Variants in MYT1L observed in about 807,000 individuals in gnomAD.
MYT1L encodes myelin transcription factor 1 like.
A neutral mutation model predicts 126.7 loss-of-function variants in MYT1L; 12 were observed. The ratio of observed to expected loss-of-function variants is 0.09; its 90% CI spans 0.06 to 0.15. The LOEUF (loss-of-function observed/expected upper bound fraction) is 0.15. Ranked by LOEUF, MYT1L falls within the 10% of genes least tolerant of loss-of-function variation. MYT1L has a pLI of 1.00. For synonymous variants in MYT1L, 541 were observed against 604.2 expected (o/e 0.90, Z 1.53); for missense variants, 979 against 1,585.2 (o/e 0.62, Z 6.49).
At chr2:2,267,262 GC>G (rs60978565) in intron 2 of MYT1L, among the ~76,000 whole-genome samples, 2,034 of 152,306 alleles carry the variant, frequency 0.013, 31 homozygotes, top group African/African-American at 0.046. Context: ...GCAGACTTTG[GC>G]CTCGCAGTCT....
intron 2 of MYT1L, among the ~76,000 whole-genome samples, chr2:2,274,764 T>C (rs2095325708): frequency 6.6e-6 from 1 of 152,190 alleles, no homozygotes; most frequent in African/African-American, 2.4e-5. Context: ...CTTATGCTCA[T>C]AGTCTCAGAA....
In MYT1L at chr2:2,093,184, A is replaced by C. The variant is rs1056069795; in HGVS notation, c.-303-39061T>G. ...ATGTATCATCCCAAATCTTTTTAAAAAAGATTATGCCACTGAAGATTTCTT... is the reference window on the plus strand; with the variant it reads ...ATGTATCATCCCAAATCTTTTTAAACAAGATTATGCCACTGAAGATTTCTT... On this transcript the variant is annotated intron_variant, in intron 3 of 24. Coordinates refer to ENST00000647738, the MANE Select transcript of MYT1L (RefSeq NM_001303052.2). 1.5e-4 allele frequency among the ~76,000 whole-genome samples: 23 copies of C among 152,142 alleles called. 1 individual carries two copies. Among genetic ancestry groups the C allele is most frequent in the African/African-American group, 5.1e-4 (21 of 41,432 alleles).
intron 3 of MYT1L, among the ~76,000 whole-genome samples, chr2:2,159,183 C>T (rs535801788): frequency 2.8e-4 from 43 of 152,150 alleles, no homozygotes; most frequent in African/African-American, 9.6e-4. Context: ...GTCGGGGTGA[C>T]GGTGACAGAC....
intron 3 of MYT1L, among the ~76,000 whole-genome samples, chr2:2,117,370 C>T (rs1289628786): frequency 5.9e-5 from 9 of 152,166 alleles, no homozygotes; most frequent in Non-Finnish European, 1.3e-4. Flanking sequence ...ACTCCGTCTG[C>T]ATGTTGTCCT....
chr2:2,313,591 C>A (rs1268808344), intron 1 of MYT1L, among the ~76,000 whole-genome samples: 1 of 151,686 alleles, frequency 6.6e-6, no homozygotes, highest in Non-Finnish European at 1.5e-5. Context: ...TAGGGAAAGA[C>A]CCTACTTGAT....
At chr2:2,174,100 G>A (rs1220176859) in intron 2 of MYT1L, among the ~76,000 whole-genome samples, 1 of 152,192 alleles carries the variant, frequency 6.6e-6, no homozygotes. Flanking sequence ...TGGAGCTAGA[G>A]AGGTTTTAAA....
intron 5 of MYT1L, among the ~76,000 whole-genome samples, chr2:1,986,519 CA>C (rs2061034602): frequency 6.6e-6 from 1 of 152,190 alleles, no homozygotes; most frequent in Non-Finnish European, 1.5e-5. Flanking sequence ...AACCAAGTCT[CA>C]AAGGCTTCGA....
intron 21 of MYT1L, among the ~76,000 whole-genome samples, chr2:1,837,860 C>A (rs139669186): frequency 6.7e-6 from 1 of 149,384 alleles, no homozygotes; most frequent in African/African-American, 2.5e-5. Flanking sequence ...GGGATTAGGT[C>A]GGGGAAAGGA....
intron 8 of MYT1L, among the ~76,000 whole-genome samples, chr2:1,951,117 C>G (rs1305404696): frequency 6.6e-6 from 1 of 151,980 alleles, no homozygotes; most frequent in Non-Finnish European, 1.5e-5. Flanking sequence ...TCTATAATCT[C>G]TTCTTTTTCA....
chr2:2,304,327 G>C (rs1178919580), intron 1 of MYT1L, among the ~76,000 whole-genome samples: 3 of 152,206 alleles, frequency 2.0e-5, no homozygotes, highest in African/African-American at 7.2e-5. Context: ...AGGTAAGTGA[G>C]TGGTGTAGAT....
At chr2:2,101,874 C>T (rs750209590) in intron 3 of MYT1L, among the ~76,000 whole-genome samples, 3 of 152,222 alleles carry the variant, frequency 2.0e-5, no homozygotes, top group Non-Finnish European at 2.9e-5. Context: ...AAAATGGCGG[C>T]TATTACTGTT....
Position 2,272,739 on chromosome 2 carries a change from A to C in MYT1L, c.-421+11665T>G, listed in dbSNP as rs567673544. On this transcript the variant is annotated intron_variant, in intron 2 of 24. Coordinates refer to ENST00000647738, the MANE Select transcript of MYT1L (RefSeq NM_001303052.2). ...AACTGATCTCTGGATGTCCCTCCCA[A>C]GGGCTTCCCTGCCAGTCTTTCTAGT... 9.3e-4 allele frequency among the ~76,000 whole-genome samples: 141 copies of C among 152,242 alleles called. 2 individuals carry two copies. The South Asian group carries it at 0.028, about 30-fold the overall frequency.
chr2:2,139,345 C>T (rs1013628674), intron 3 of MYT1L, among the ~76,000 whole-genome samples: 3 of 151,508 alleles, frequency 2.0e-5, no homozygotes, highest in Non-Finnish European at 4.4e-5. Flanking sequence ...CCAGGCCAGG[C>T]GTGGTGGCTC....
intron 21 of MYT1L, among the ~76,000 whole-genome samples, chr2:1,817,527 C>T (rs978742023): frequency 6.6e-6 from 1 of 152,358 alleles, no homozygotes; most frequent in Non-Finnish European, 1.5e-5. Flanking sequence ...GAAACAAAGA[C>T]GGGCCTGAAG....
At chr2:2,176,774 C>T (rs763943716) in intron 2 of MYT1L, among the ~76,000 whole-genome samples, 16 of 152,172 alleles carry the variant, frequency 1.1e-4, no homozygotes, top group Non-Finnish European at 1.8e-4. Flanking sequence ...GCTGGGATTA[C>T]AGGCATGAAT....
In MYT1L at chr2:2,263,454, C is replaced by T. The variant is rs115829341; in HGVS notation, c.-421+20950G>A. 5.8e-3 allele frequency among the ~76,000 whole-genome samples: 881 copies of T among 152,222 alleles called. 9 individuals carry two copies. The highest frequency in any genetic ancestry group is 0.018 in the African/African-American group (752 of 41,558). On this transcript the variant is annotated intron_variant, in intron 2 of 24. Coordinates refer to ENST00000647738, the MANE Select transcript of MYT1L (RefSeq NM_001303052.2). The stretch of plus-strand genomic sequence containing the variant: ...ATCAATAAATGCCTGAACCGTGTGG[C>T]GCAGATGACCTTTTGGATGTGAGTG...
intron 2 of MYT1L, among the ~76,000 whole-genome samples, chr2:2,180,617 CCTGTGTGTAG>C (rs148058359): frequency 0.1 from 14,840 of 147,592 alleles, 703 homozygotes; most frequent in East Asian, 0.13. Flanking sequence ...TGCTTATGTA[CCTGTGTGTAG>C]CTGTGTGTGC....
chr2:1,821,723 G>C (rs2038556728), intron 21 of MYT1L, among the ~76,000 whole-genome samples: 1 of 152,212 alleles, frequency 6.6e-6, no homozygotes, highest in African/African-American at 2.4e-5. Flanking sequence ...TGGTTCTAGA[G>C]AAGAGGCCCC....
intron 2 of MYT1L, among the ~76,000 whole-genome samples, chr2:2,179,345 C>T (rs1308980875): frequency 2.6e-5 from 4 of 152,186 alleles, no homozygotes; most frequent in Non-Finnish European, 2.9e-5. Flanking sequence ...CCCCTAGGCT[C>T]AGATACTGAG....
Sources: gnomAD v4.1 joint callset for allele counts (sites outside exome capture counted in the v4.1 genomes callset) on GRCh38, gnomAD v4.1.1 for gene constraint, MANE v1.5 for transcripts, NCBI Gene and HGNC (gene_info 2026-07-23, HGNC 2026-07-21) for gene names.